The following ADAM9 variants were observed in gnomAD, a reference collection of about 807,000 sequenced individuals.
The protein encoded by ADAM9 is ADAM metallopeptidase domain 9.
In ADAM9, 54 loss-of-function variants were observed where a neutral mutation model predicts 108.1. That is an observed-to-expected ratio of 0.50 (90% CI 0.40 to 0.63). ADAM9 has a LOEUF of 0.63. ADAM9 is among the 20% of genes least tolerant of loss of function. The probability of loss-of-function intolerance (pLI) is 0.00; values close to 1 mark genes in which losing one functional copy is unlikely to be tolerated. For missense variants in ADAM9, 830 were observed against 997.7 expected, an observed-to-expected ratio of 0.83 and a Z score of 2.26; for synonymous variants, 316 against 336.0, an observed-to-expected ratio of 0.94 and a Z score of 0.65.
At chr8:39,049,380 T>A (rs1264272207) in intron 12 of ADAM9, among the ~76,000 whole-genome samples, 1 of 152,104 alleles carries the variant, frequency 6.6e-6, no homozygotes, top group Non-Finnish European at 1.5e-5. Flanking sequence ...TTACACAGTT[T>A]ATGTTGTTGT....
chr8:39,005,217 G>A (rs1055223183), intron 1 of ADAM9, among the ~76,000 whole-genome samples: 12 of 152,142 alleles, frequency 7.9e-5, no homozygotes, highest in African/African-American at 2.9e-4. Context: ...AGGGTATCTT[G>A]TATCCGGGGT....
In ADAM9 at chr8:39,007,967, G is replaced by C. The variant is rs1348191462; in HGVS notation, c.179G>C (p.Arg60Thr). 1.2e-6 allele frequency: 2 copies of C among 1,605,146 alleles called. No individual in the cohort carries two copies. Among genetic ancestry groups the C allele is most frequent in the Non-Finnish European group, 1.7e-6 (2 of 1,173,092 alleles). Reference protein sequence around the residue: ...RLTRERREAPRPYSKQVSYVI... With the variant: ...RLTRERREAPTPYSKQVSYVI... ...ACTAGAGAAAGAAGAGAAGCCCCTA[G>C]GCCCTATTCAAAACAAGTAAGTTAT... The change falls in exon 2 of 22, where the codon AGG becomes ACG. Residue 60 changes from arginine to threonine, a missense_variant. This residue lies in a region of ADAM9 where 211 missense variants were observed against 222.2 expected (regional missense o/e 0.95). Coordinates refer to ENST00000487273, the MANE Select transcript of ADAM9 (RefSeq NM_003816.3).
At chr8:39,023,763 T>TTG (rs1491071911) in intron 9 of ADAM9, among the ~76,000 whole-genome samples, 2 of 146,482 alleles carry the variant, frequency 1.4e-5, no homozygotes, top group Non-Finnish European at 3.0e-5. Flanking sequence ...TTTTTTTTTT[T>TTG]GGAGACAGAG....
In ADAM9 at chr8:39,104,207, T is replaced by C; in HGVS notation, c.*507T>C. On this transcript the variant is annotated 3_prime_UTR_variant, in exon 22 of 22. Transcript: ENST00000487273. ...TAATAATCATCATACTCTAGAATCT[T>C]GTCTGTCACTCACTACATGAATAAG... 1 of 454,070 alleles carries C rather than the reference T, an allele frequency of 2.2e-6. No individual in the cohort carries two copies. The allele number at this position is 454,070 out of a possible 1,614,324, so 28.1% of individuals were successfully genotyped here. A position where few individuals can be genotyped will look rare whatever the true frequency, so the allele number is the denominator to read the frequency against.
chr8:39,055,999 G>A (rs1424139270), intron 14 of ADAM9, among the ~76,000 whole-genome samples: 4 of 151,716 alleles, frequency 2.6e-5, no homozygotes, highest in Non-Finnish European at 5.9e-5. Context: ...TGTGTATCAC[G>A]CACACACACA....
chr8:39,011,667 G>C lies in ADAM9; in HGVS notation c.205G>C (p.Val69Leu), dbSNP rs775867251. The part of the protein sequence containing the change: ...PRPYSKQVSY[V>L]IQAEGKEHII... Reference sequence around the variant, plus strand: ...CCTTCTGTGCATTTAGGTATCTTATGTTATTCAGGCTGAAGGAAAAGAGCA... The same window carrying C: ...CCTTCTGTGCATTTAGGTATCTTATCTTATTCAGGCTGAAGGAAAAGAGCA... The change falls in exon 3 of 22, where the codon GTT (valine) becomes CTT (leucine). Residue 69 changes from valine (V) to leucine (L), a missense_variant. Physicochemically the swap from Val to Leu is conservative, Grantham distance 32. Around this residue, in one of 3 missense-constraint regions of ADAM9, gnomAD observed 211 missense variants for 222.2 expected, o/e 0.95. Transcript: ENST00000487273. 2.0e-5 allele frequency: 32 copies of C among 1,610,660 alleles called. No individual in the cohort carries two copies. The highest frequency in any genetic ancestry group is 2.5e-5 in the Non-Finnish European group (30 of 1,177,162).
At chr8:39,096,343 T>TCA (rs1340908170) in intron 20 of ADAM9, among the ~76,000 whole-genome samples, 5 of 126,084 alleles carry the variant, frequency 4.0e-5, no homozygotes, top group East Asian at 3.0e-4. Context: ...ATAGCACATA[T>TCA]ATTGTGATAT....
intron 8 of ADAM9, among the ~76,000 whole-genome samples, chr8:39,022,097 T>TGTGAGA (rs1356591377): frequency 1.1e-4 from 15 of 136,276 alleles, no homozygotes; most frequent in Middle Eastern, 3.6e-3. Flanking sequence ...TGTGTGTGTG[T>TGTGAGA]GAGAGAGAGA....
At chr8:39,042,690 T>G (rs1163174939) in intron 12 of ADAM9, among the ~76,000 whole-genome samples, 1 of 152,236 alleles carries the variant, frequency 6.6e-6, no homozygotes, top group Non-Finnish European at 1.5e-5. Flanking sequence ...TCTGTTCATT[T>G]ATATACAGTA....
At chr8:39,066,211 T>C (rs1216091942) in intron 14 of ADAM9, among the ~76,000 whole-genome samples, 1 of 152,238 alleles carries the variant, frequency 6.6e-6, no homozygotes, top group Non-Finnish European at 1.5e-5. Context: ...GCAATAAACA[T>C]ACGTGTGCAT....
rs114628706 is a variant in ADAM9, at chr8:39,040,004, A to T, written c.1131-1942A>T. On this transcript the variant is annotated intron_variant, in intron 11 of 21. Transcript: ENST00000487273. ...TACATTCCCACCAACAGTGCTCAAGATTCCTTTTTTTCTATACTCTCACTA... is the reference window on the plus strand; with the variant it reads ...TACATTCCCACCAACAGTGCTCAAGTTTCCTTTTTTTCTATACTCTCACTA... Among the ~76,000 whole-genome samples, 493 of 152,124 alleles carry T rather than the reference A, an allele frequency of 3.2e-3. 4 individuals are homozygous for T. Among genetic ancestry groups the T allele is most frequent in the African/African-American group, 0.011 (456 of 41,502 alleles).
intron 2 of ADAM9, among the ~76,000 whole-genome samples, chr8:39,010,688 G>C (rs1444535661): frequency 6.6e-6 from 1 of 152,174 alleles, no homozygotes; most frequent in East Asian, 1.9e-4. Context: ...AGTTGCCTGA[G>C]GTAGAGAAGA....
At chr8:38,999,136 C>T (rs1835920661) in intron 1 of ADAM9, among the ~76,000 whole-genome samples, 1 of 152,096 alleles carries the variant, frequency 6.6e-6, no homozygotes. Flanking sequence ...CAGCTGACCA[C>T]ATTTTTGCAG....
rs1442202308 is a variant in ADAM9 at position 39,045,032 on chromosome 8, A to G, written c.1302+2915A>G. Among the ~76,000 whole-genome samples, 160 of 122,560 alleles carry G rather than the reference A, an allele frequency of 1.3e-3. 30 individuals are homozygous for G. The highest frequency in any genetic ancestry group is 8.8e-3 in the Middle Eastern group (2 of 226). 80.4% of individuals were successfully genotyped at this position (122,560 alleles called of 152,430 possible). ...TATGTATGTGTATGTGTGTGTGCAT[A>G]CATACATATGTATGTGTATGTGTGT... On this transcript the variant is annotated intron_variant, in intron 12 of 21. Coordinates refer to ENST00000487273, the MANE Select transcript of ADAM9 (RefSeq NM_003816.3).
At chr8:39,037,000 G>A (rs1837296935) in intron 11 of ADAM9, among the ~76,000 whole-genome samples, 1 of 150,506 alleles carries the variant, frequency 6.6e-6, no homozygotes, top group Non-Finnish European at 1.5e-5. Context: ...CTTTATGTAG[G>A]TTGAAATTAG....
chr8:39,047,183 C>A (rs1177742385), intron 12 of ADAM9, among the ~76,000 whole-genome samples: 1 of 152,142 alleles, frequency 6.6e-6, no homozygotes, highest in Non-Finnish European at 1.5e-5. Context: ...TTTTAATGTG[C>A]TGCTGAATTT....
At chr8:39,045,587 T>TAA (rs1554579359) in intron 12 of ADAM9, among the ~76,000 whole-genome samples, 1 of 148,830 alleles carries the variant, frequency 6.7e-6, no homozygotes, top group African/African-American at 2.5e-5. Context: ...TATATATATA[T>TAA]AAAAGATTTT....
chr8:39,032,420 A>G (rs1282784713), intron 11 of ADAM9, among the ~76,000 whole-genome samples: 2 of 152,256 alleles, frequency 1.3e-5, no homozygotes, highest in African/African-American at 2.4e-5. Flanking sequence ...TCACAGGTCA[A>G]TCTGCCTGCT....
intron 5 of ADAM9, 102 bp from the exon 6 acceptor site, chr8:39,017,117 G>T: frequency 8.3e-7 from 1 of 1,200,480 alleles, no homozygotes. Context: ...GTAATGCTAT[G>T]CCTACTTACA....
Sources: gnomAD v4.1 joint callset for allele counts (sites outside exome capture counted in the v4.1 genomes callset) on GRCh38, gnomAD v4.1.1 for gene constraint, gnomAD v4.1.1 regional missense constraint, MANE v1.5 for transcripts, NCBI Gene and HGNC (gene_info 2026-07-23, HGNC 2026-07-21) for gene names.